FRAS1: variants seen among roughly 807,000 people sequenced by gnomAD.
FRAS1 encodes the protein extracellular matrix organizing protein FRAS1.
A neutral mutation model predicts 435.2 loss-of-function variants in FRAS1; 290 were observed. The ratio of observed to expected loss-of-function variants is 0.67; its 90% CI spans 0.61 to 0.73. FRAS1 has a LOEUF of 0.73. Ranked by LOEUF, FRAS1 falls within the 30% of genes least tolerant of loss-of-function variation. The pLI is 0.00. For synonymous variants in FRAS1, 1,800 were observed against 1,851.0 expected (o/e 0.97, Z 0.71); for missense variants, 4,860 against 5,001.5 (o/e 0.97, Z 0.85).
chr4:78,432,850 G>T (rs1734268608), intron 38 of FRAS1, among the ~76,000 whole-genome samples: 2 of 152,158 alleles, frequency 1.3e-5, no homozygotes, highest in South Asian at 4.1e-4. Flanking sequence ...ATGGGTGTTT[G>T]TCAACAGAAG....
At chr4:78,336,541 T>C (rs1355049679) in intron 19 of FRAS1, among the ~76,000 whole-genome samples, 2 of 152,188 alleles carry the variant, frequency 1.3e-5, no homozygotes, top group Non-Finnish European at 2.9e-5. Context: ...GAGAATGCTA[T>C]GTCTTTTGGA....
intron 14 of FRAS1, among the ~76,000 whole-genome samples, chr4:78,301,846 GTTT>G (rs59794614): frequency 5.8e-5 from 6 of 103,934 alleles, no homozygotes; most frequent in African/African-American, 2.2e-4. Flanking sequence ...CACAGAAACA[GTTT>G]TTTTTTTTTT....
At chr4:78,504,804 A>G (rs1013211739) in intron 61 of FRAS1, among the ~76,000 whole-genome samples, 9 of 152,152 alleles carry the variant, frequency 5.9e-5, no homozygotes, top group Admixed American at 1.3e-4. Context: ...TAATTGATGC[A>G]GTTTCTTCAT....
chr4:78,057,785 C>T lies in FRAS1; in HGVS notation c.-225C>T, dbSNP rs538823692. ...TCCTGCCTTGCGGGGGAACTCGGCGCGCTCTCTGCCTGAGCAGCGAGTGAA... is the reference window on the plus strand; with the variant it reads ...TCCTGCCTTGCGGGGGAACTCGGCGTGCTCTCTGCCTGAGCAGCGAGTGAA... On this transcript the variant is annotated 5_prime_UTR_variant, in exon 1 of 74. Coordinates refer to ENST00000512123, the MANE Select transcript of FRAS1 (RefSeq NM_025074.7). The surrounding 1 kb of genome is among the most constrained non-coding windows in gnomAD (Gnocchi z 4.2). 1 of 544,892 alleles carries T rather than the reference C, an allele frequency of 1.8e-6. No individual in the cohort carries two copies. The highest frequency in any genetic ancestry group is 3.3e-6 in the Non-Finnish European group (1 of 306,650). The allele number at this position is 544,892 out of a possible 1,614,324, so 33.8% of individuals were successfully genotyped here. A position where few individuals can be genotyped will look rare whatever the true frequency, so the allele number is the denominator to read the frequency against.
intron 20 of FRAS1, among the ~76,000 whole-genome samples, chr4:78,357,795 C>T (rs1453552808): frequency 6.6e-6 from 1 of 152,120 alleles, no homozygotes; most frequent in African/African-American, 2.4e-5. Context: ...TCCAGCTACT[C>T]AAGAGAATGA....
intron 2 of FRAS1, among the ~76,000 whole-genome samples, chr4:78,115,259 A>G (rs1027740732): frequency 1.3e-5 from 2 of 152,150 alleles, no homozygotes; most frequent in Non-Finnish European, 1.5e-5. Flanking sequence ...TTTTGCATCC[A>G]TGTTCATCAC....
intron 73 of FRAS1, among the ~76,000 whole-genome samples, chr4:78,539,822 G>A (rs1160798327): frequency 6.6e-6 from 1 of 152,148 alleles, no homozygotes; most frequent in Non-Finnish European, 1.5e-5. Flanking sequence ...ATTTAGAATA[G>A]CAAGAATTAC....
intron 14 of FRAS1, among the ~76,000 whole-genome samples, chr4:78,287,164 G>A (rs1186165907): frequency 6.6e-6 from 1 of 152,050 alleles, no homozygotes; most frequent in Non-Finnish European, 1.5e-5. Flanking sequence ...GAGAGTGAGA[G>A]AGAGAGATAA....
intron 2 of FRAS1, among the ~76,000 whole-genome samples, chr4:78,150,402 C>T (rs1720597358): frequency 6.6e-6 from 1 of 152,184 alleles, no homozygotes; most frequent in African/African-American, 2.4e-5. Flanking sequence ...ATTCTAATCA[C>T]TTGGCATCTT....
intron 14 of FRAS1, among the ~76,000 whole-genome samples, chr4:78,307,234 A>G (rs904940751): frequency 2.0e-5 from 3 of 152,218 alleles, no homozygotes; most frequent in Non-Finnish European, 2.9e-5. Flanking sequence ...TCAGATCTCA[A>G]GCTGCGTGCT....
At chr4:78,081,341 G>C (rs1407350707) in intron 2 of FRAS1, among the ~76,000 whole-genome samples, 2 of 152,164 alleles carry the variant, frequency 1.3e-5, no homozygotes, top group Non-Finnish European at 2.9e-5. Flanking sequence ...GTGTGAAAGA[G>C]GATCTGGATT....
intron 22 of FRAS1, among the ~76,000 whole-genome samples, chr4:78,368,954 T>C (rs1382967812): frequency 6.6e-6 from 1 of 152,178 alleles, no homozygotes; most frequent in Non-Finnish European, 1.5e-5. Flanking sequence ...AAGTGTACTC[T>C]GAAACCTGAG....
intron 2 of FRAS1, chr4:78,070,774 A>C (rs1425930798): frequency 6.6e-6 from 1 of 152,208 alleles, no homozygotes; most frequent in Non-Finnish European, 1.5e-5. Flanking sequence ...GCATCACCAC[A>C]AGCAAACACA....
chr4:78,504,542 C>G (rs1720774924), intron 61 of FRAS1, among the ~76,000 whole-genome samples: 1 of 152,056 alleles, frequency 6.6e-6, no homozygotes. Context: ...GGATTGCAAC[C>G]CCTGCTTTTT....
At position 78,072,956 on chromosome 4, in the gene FRAS1, C is replaced by T. The variant is rs146379683; in HGVS notation, c.108+6940C>T. Reference sequence around the variant, plus strand: ...AGGCTTTTCTGATTTGGGTTCTCACCTGTGGATAGAAGGTTAGAGCTGTGT... The same window carrying T: ...AGGCTTTTCTGATTTGGGTTCTCACTTGTGGATAGAAGGTTAGAGCTGTGT... On this transcript the variant is annotated intron_variant, in intron 2 of 73. Transcript: ENST00000512123. Among the ~76,000 whole-genome samples, 16 of 152,140 alleles carry T rather than the reference C, an allele frequency of 1.1e-4. No homozygotes were observed. The East Asian group carries it at 2.9e-3, about 28-fold the overall frequency.
At position 78,463,173 on chromosome 4, in the gene FRAS1, A is replaced by G. The variant is rs927002207; in HGVS notation, c.6764-848A>G. On this transcript the variant is annotated intron_variant, in intron 47 of 73. Coordinates refer to ENST00000512123, the MANE Select transcript of FRAS1 (RefSeq NM_025074.7). ...TGAGCCCTAGCAGCCCTAAGACAGA[A>G]GCAACAATTTCAAGTTGTTTTGCTA... 2.0e-5 allele frequency among the ~76,000 whole-genome samples: 3 copies of G among 152,192 alleles called. No homozygotes were observed. In the East Asian group the frequency reaches 5.8e-4, roughly 29 times the overall value.
chr4:78,209,979 T>C (rs74713280), intron 2 of FRAS1, among the ~76,000 whole-genome samples: 3,511 of 152,228 alleles, frequency 0.023, 134 homozygotes, highest in African/African-American at 0.079. Context: ...GGGGTTCAAA[T>C]AGCAGAGTTG....
intron 59 of FRAS1, among the ~76,000 whole-genome samples, chr4:78,494,719 C>T (rs1282406798): frequency 6.6e-6 from 1 of 152,122 alleles, no homozygotes; most frequent in Non-Finnish European, 1.5e-5. Flanking sequence ...TTTACCTATG[C>T]ACTCTCAGCA....
Position 78,475,619 on chromosome 4 carries a change from G to A in FRAS1, c.7851+13G>A. The A allele has an allele frequency of 4.5e-6, 7 of 1,542,254 alleles. No homozygotes were observed. The South Asian group carries it at 5.1e-5, about 11-fold the overall frequency. ...GTATGCTGGCCAGGTAGGTGGGGTA[G>A]TGGGGTTGGGGGAGGCTCCAGCAAG... On this transcript the variant is annotated intron_variant, in intron 54 of 73. Transcript: ENST00000512123.
Sources: gnomAD v4.1 joint callset for allele counts (sites outside exome capture counted in the v4.1 genomes callset) on GRCh38, gnomAD v4.1.1 for gene constraint, Gnocchi (gnomAD v3.1) non-coding constraint, MANE v1.5 for transcripts, NCBI Gene and HGNC (gene_info 2026-07-23, HGNC 2026-07-21) for gene names.